LRMDA: variants seen among roughly 807,000 people sequenced by gnomAD.
The protein encoded by LRMDA is leucine rich melanocyte differentiation associated, also known as leucine-rich melanocyte differentiation-associated protein.
Under a neutral mutation model 29.8 loss-of-function variants are expected in LRMDA, and 18 were observed. The observed-to-expected ratio is 0.60, with a 90% CI of 0.42 to 0.90. LRMDA has a LOEUF of 0.90. Among genes scored for constraint, LRMDA ranks in the 40% least tolerant of loss-of-function variants. The probability of loss-of-function intolerance (pLI) is 0.00; values close to 1 mark genes in which losing one functional copy is unlikely to be tolerated. For missense variants in LRMDA, 273 were observed against 273.9 expected, an observed-to-expected ratio of 1.00 and a Z score of 0.02; for synonymous variants, 125 against 109.4, an observed-to-expected ratio of 1.14 and a Z score of -0.89.
chr10:76,261,693 C>A (rs1839946468), intron 5 of LRMDA, among the ~76,000 whole-genome samples: 1 of 152,180 alleles, frequency 6.6e-6, no homozygotes, highest in Admixed American at 6.5e-5. Context: ...AATAATGGGT[C>A]TGCAAGTTGA....
intron 2 of LRMDA, among the ~76,000 whole-genome samples, chr10:75,497,960 G>A (rs996525594): frequency 4.6e-5 from 7 of 152,274 alleles, no homozygotes; most frequent in African/African-American, 1.7e-4. Flanking sequence ...GGAGATGCAC[G>A]TTTAGTTTTA....
At chr10:76,516,710 T>C (rs1843065368) in intron 6 of LRMDA, among the ~76,000 whole-genome samples, 3 of 152,244 alleles carry the variant, frequency 2.0e-5, no homozygotes, top group Non-Finnish European at 4.4e-5. Flanking sequence ...CTATGGTGTA[T>C]ATGTGCCACA....
intron 5 of LRMDA, among the ~76,000 whole-genome samples, chr10:76,145,612 T>C (rs1211198653): frequency 6.6e-6 from 1 of 152,250 alleles, no homozygotes; most frequent in Non-Finnish European, 1.5e-5. Flanking sequence ...TAACAGTCTA[T>C]CAGTTTTGTT....
chr10:76,537,173 C>G (rs764165003), intron 6 of LRMDA, among the ~76,000 whole-genome samples: 5 of 152,168 alleles, frequency 3.3e-5, no homozygotes, highest in Non-Finnish European at 7.3e-5. Flanking sequence ...CTTTCTGGCA[C>G]AACAAAATGT....
At chr10:76,266,167 T>C (rs1404412424) in intron 5 of LRMDA, among the ~76,000 whole-genome samples, 1 of 152,206 alleles carries the variant, frequency 6.6e-6, no homozygotes, top group Non-Finnish European at 1.5e-5. Flanking sequence ...AAAAAGTGTG[T>C]ATGAAAATGC....
At chr10:76,260,131 C>T (rs1839914928) in intron 5 of LRMDA, among the ~76,000 whole-genome samples, 1 of 151,844 alleles carries the variant, frequency 6.6e-6, no homozygotes, top group Non-Finnish European at 1.5e-5. Context: ...TTCGTTGTTT[C>T]CTGGTTGTTT....
In LRMDA at chr10:76,253,777, A is replaced by G. The variant is rs540710939; in HGVS notation, c.517-70624A>G. On this transcript the variant is annotated intron_variant, in intron 5 of 6. Transcript: ENST00000611255. ...TAACATTGTTTCCATGAGCAGATCT[A>G]TAAGAATTTTTTTGTTGTTGCTATT... Among the ~76,000 whole-genome samples, 86 of 152,262 alleles carry G rather than the reference A, an allele frequency of 5.6e-4. 1 individual carries two copies. The highest frequency in any genetic ancestry group is 4.1e-4 in the Non-Finnish European group (28 of 68,020).
chr10:76,195,261 A>G (rs985361706), intron 5 of LRMDA, among the ~76,000 whole-genome samples: 6 of 152,198 alleles, frequency 3.9e-5, no homozygotes, highest in African/African-American at 1.2e-4. Flanking sequence ...TGGTGGGCAG[A>G]ATGGGGTCTG....
chr10:76,035,870 G>T, intron 2 of LRMDA, 138 bp from the exon 3 acceptor site: 32 of 398,242 alleles, frequency 8.0e-5, no homozygotes, highest in South Asian at 1.5e-4. Context: ...ACTAATTCTT[G>T]TCATTCACTT....
intron 2 of LRMDA, among the ~76,000 whole-genome samples, chr10:75,895,449 C>T (rs922409528): frequency 2.6e-5 from 4 of 152,160 alleles, no homozygotes; most frequent in Non-Finnish European, 4.4e-5. Context: ...GGTTAGGAAA[C>T]CAAGGTACAG....
intron 1 of LRMDA, among the ~76,000 whole-genome samples, chr10:75,435,147 A>C (rs991318880): frequency 1.3e-5 from 2 of 152,254 alleles, no homozygotes; most frequent in Admixed American, 1.3e-4. Context: ...TTTGTTCCTC[A>C]ATGCAGTCTA....
intron 5 of LRMDA, among the ~76,000 whole-genome samples, chr10:76,180,141 G>GA (rs1016331768): frequency 4.0e-5 from 6 of 151,394 alleles, no homozygotes; most frequent in African/African-American, 9.7e-5. Context: ...TGATGATAGG[G>GA]AAAAAAAAGG....
intron 5 of LRMDA, chr10:76,319,304 A>C (rs1840740158): frequency 6.6e-6 from 1 of 152,252 alleles, no homozygotes; most frequent in Admixed American, 6.5e-5. Flanking sequence ...TATGTTGAGC[A>C]CAAGGGTTAA....
intron 6 of LRMDA, among the ~76,000 whole-genome samples, chr10:76,410,298 C>CTTTTTTTTTTTT (rs1172213249): frequency 9.0e-5 from 6 of 66,544 alleles, no homozygotes; most frequent in African/African-American, 1.8e-4. Context: ...CACTTTCTTT[C>CTTTTTTTTTTTT]TTTTTTTTTT....
At chr10:75,658,467 A>G (rs1401643798) in intron 2 of LRMDA, among the ~76,000 whole-genome samples, 1 of 151,780 alleles carries the variant, frequency 6.6e-6, no homozygotes, top group Non-Finnish European at 1.5e-5. Context: ...CTTTTTTTTT[A>G]TGTGAATCTT....
intron 6 of LRMDA, among the ~76,000 whole-genome samples, chr10:76,449,717 T>C (rs956628972): frequency 6.6e-6 from 1 of 151,970 alleles, no homozygotes; most frequent in Non-Finnish European, 1.5e-5. Context: ...TTAATTGTAC[T>C]AGTGATAATC....
chr10:76,252,623 T>C (rs1852506160), intron 5 of LRMDA, among the ~76,000 whole-genome samples: 1 of 152,196 alleles, frequency 6.6e-6, no homozygotes. Context: ...ATAAATTAAA[T>C]GTTTTGTGTA....
chr10:75,651,638 T>A (rs896823218), intron 2 of LRMDA, among the ~76,000 whole-genome samples: 1 of 152,202 alleles, frequency 6.6e-6, no homozygotes, highest in Non-Finnish European at 1.5e-5. Context: ...CACCTTTATC[T>A]TTCCAAGTTA....
intron 2 of LRMDA, among the ~76,000 whole-genome samples, chr10:75,807,170 CA>C (rs1379451537): frequency 6.6e-6 from 1 of 152,058 alleles, no homozygotes; most frequent in African/African-American, 2.4e-5. Flanking sequence ...CTCTGCATCC[CA>C]GCAAGTAGAA....
Sources: allele counts gnomAD v4.1 joint callset (sites outside exome capture counted in the v4.1 genomes callset), GRCh38; gene constraint gnomAD v4.1.1; transcripts MANE v1.5; gene names NCBI Gene and HGNC (gene_info 2026-07-23, HGNC 2026-07-21).